KCNMB2: variants seen among roughly 807,000 people sequenced by gnomAD.
The protein encoded by KCNMB2 is calcium-activated potassium channel subunit beta-2.
A neutral mutation model predicts 24.5 loss-of-function variants in KCNMB2; 9 were observed. That is an observed-to-expected ratio of 0.37 (90% CI 0.22 to 0.64). The LOEUF is 0.64. Among genes scored for constraint, KCNMB2 ranks in the 30% least tolerant of loss-of-function variants. KCNMB2 has a pLI of 0.63. For synonymous variants in KCNMB2, 109 were observed against 104.4 expected, an observed-to-expected ratio of 1.04 and a Z score of -0.27; for missense variants, 226 against 284.3, an observed-to-expected ratio of 0.79 and a Z score of 1.47.
At chr3:178,723,961 AT>A (rs759891539) in intron 1 of KCNMB2, among the ~76,000 whole-genome samples, 1 of 152,102 alleles carries the variant, frequency 6.6e-6, no homozygotes, top group Non-Finnish European at 1.5e-5. Context: ...TGCAGGTATC[AT>A]TTTAGTAGAA....
At chr3:178,645,750 G>A (rs923610675) in intron 1 of KCNMB2, among the ~76,000 whole-genome samples, 8 of 152,200 alleles carry the variant, frequency 5.3e-5, no homozygotes, top group African/African-American at 1.9e-4. Flanking sequence ...AGTGCTCACA[G>A]CAGGCAGTTG....
At chr3:178,754,674 C>T (rs1723966629) in intron 1 of KCNMB2, among the ~76,000 whole-genome samples, 1 of 152,124 alleles carries the variant, frequency 6.6e-6, no homozygotes, top group Non-Finnish European at 1.5e-5. Flanking sequence ...AGGTAGATCA[C>T]ATTCTCTAAT....
intron 1 of KCNMB2, among the ~76,000 whole-genome samples, chr3:178,769,940 T>G (rs933157222): frequency 6.6e-6 from 1 of 152,202 alleles, no homozygotes; most frequent in Non-Finnish European, 1.5e-5. Flanking sequence ...TAAAACTGGC[T>G]CTTAACAGAA....
At chr3:178,830,254 G>A (rs994410395) in intron 4 of KCNMB2, among the ~76,000 whole-genome samples, 3 of 152,088 alleles carry the variant, frequency 2.0e-5, no homozygotes, top group South Asian at 2.1e-4. Context: ...TTCACATAGC[G>A]TTATGTTTGT....
At chr3:178,792,027 GC>G (rs1481894246) in intron 1 of KCNMB2, among the ~76,000 whole-genome samples, 1 of 152,028 alleles carries the variant, frequency 6.6e-6, no homozygotes, top group African/African-American at 2.4e-5. Context: ...AGGATGTTAA[GC>G]AATAAAAAAT....
chr3:178,630,029 T>C lies in KCNMB2; in HGVS notation c.-68+93318T>C, dbSNP rs73042344. ...TTACAGTCATGCCCAATGACAGTTA[T>C]GAATCTCCAGTGCTAAAGGAAGAAC... On this transcript the variant is annotated intron_variant, in intron 1 of 4. Coordinates refer to ENST00000452583, the MANE Select transcript of KCNMB2 (RefSeq NM_181361.3). Among the ~76,000 whole-genome samples the C allele has an allele frequency of 9.2e-4, 140 of 152,340 alleles. 1 individual carries two copies. The highest frequency in any genetic ancestry group is 3.2e-3 in the African/African-American group (133 of 41,582).
intron 1 of KCNMB2, among the ~76,000 whole-genome samples, chr3:178,586,538 C>CGTTT (rs1313147122): frequency 2.2e-4 from 15 of 68,486 alleles, no homozygotes; most frequent in African/African-American, 8.5e-4. Flanking sequence ...TTTTTTCTTT[C>CGTTT]TTTTTTTTTT....
rs56142299 is a variant in KCNMB2 at position 178,662,965 on chromosome 3, A to G, written c.-68+126254A>G. 7.1e-3 allele frequency among the ~76,000 whole-genome samples: 1,084 copies of G among 152,242 alleles called. 12 individuals carry two copies. Among genetic ancestry groups the G allele is most frequent in the African/African-American group, 0.024 (1,011 of 41,534 alleles). Reference sequence around the variant, plus strand: ...CCCAGAAACACAGTAGCTTAAAACAATAATTATTTATTTGTTCCCAATTCT... The same window carrying G: ...CCCAGAAACACAGTAGCTTAAAACAGTAATTATTTATTTGTTCCCAATTCT... On this transcript the variant is annotated intron_variant, in intron 1 of 4. Coordinates refer to ENST00000452583, the MANE Select transcript of KCNMB2 (RefSeq NM_181361.3).
At position 178,792,565 on chromosome 3, in the gene KCNMB2, C is replaced by T. The variant is rs542553426; in HGVS notation, c.-67-14778C>T. On this transcript the variant is annotated intron_variant, in intron 1 of 4. Transcript: ENST00000452583. ...ATAAAATTGCAGGAGTACATCTTTA[C>T]ATATCAATAATAACATTGGATGGAA... 1.1e-3 allele frequency among the ~76,000 whole-genome samples: 172 copies of T among 152,010 alleles called. 1 individual carries two copies. Among genetic ancestry groups the T allele is most frequent in the Non-Finnish European group, 2.2e-3 (147 of 67,992 alleles).
chr3:178,744,754 G>C (rs1055520387), intron 1 of KCNMB2, among the ~76,000 whole-genome samples: 2 of 150,784 alleles, frequency 1.3e-5, no homozygotes, highest in Non-Finnish European at 1.5e-5. Flanking sequence ...GGCTTCCCAA[G>C]ACCTGCAATG....
intron 1 of KCNMB2, among the ~76,000 whole-genome samples, chr3:178,677,675 CAG>C (rs887435850): frequency 2.0e-5 from 3 of 152,168 alleles, no homozygotes; most frequent in African/African-American, 4.8e-5. Context: ...TTCACAAATT[CAG>C]AGAGCAAGCT....
At chr3:178,815,025 T>C (rs1056132770) in intron 2 of KCNMB2, among the ~76,000 whole-genome samples, 5 of 136,816 alleles carry the variant, frequency 3.7e-5, no homozygotes, top group African/African-American at 1.3e-4. Flanking sequence ...TTTTGAGCAC[T>C]GTCTTTTTTT....
chr3:178,806,953 A>T (rs991303923), intron 1 of KCNMB2, among the ~76,000 whole-genome samples: 2 of 152,224 alleles, frequency 1.3e-5, no homozygotes, highest in African/African-American at 2.4e-5. Flanking sequence ...GGAAAGAAGA[A>T]GTTGAGTTTT....
Position 178,584,111 on chromosome 3 carries a change from C to G in KCNMB2, c.-68+47400C>G, listed in dbSNP as rs112984288. On this transcript the variant is annotated intron_variant, in intron 1 of 4. Coordinates refer to ENST00000452583, the MANE Select transcript of KCNMB2 (RefSeq NM_181361.3). ...AAAGGCAGCTAGCCAAGGGGTTGTC[C>G]TAGCTGGCAGGGCTAACACGTCTGC... Among the ~76,000 whole-genome samples the G allele has an allele frequency of 4.7e-3, 719 of 152,336 alleles. 8 individuals are homozygous for G. Among genetic ancestry groups the G allele is most frequent in the African/African-American group, 0.016 (683 of 41,562 alleles).
intron 1 of KCNMB2, among the ~76,000 whole-genome samples, chr3:178,623,268 AC>A (rs1322483086): frequency 6.6e-6 from 1 of 152,244 alleles, no homozygotes; most frequent in African/African-American, 2.4e-5. Context: ...GGCCACACTT[AC>A]GTGATTTATA....
At chr3:178,600,383 C>G (rs1718035963) in intron 1 of KCNMB2, among the ~76,000 whole-genome samples, 1 of 152,088 alleles carries the variant, frequency 6.6e-6, no homozygotes, top group Non-Finnish European at 1.5e-5. Context: ...CATGCGTGTG[C>G]AAATATCTCT....
At chr3:178,691,500 CAT>C (rs752293808) in intron 1 of KCNMB2, among the ~76,000 whole-genome samples, 2 of 152,038 alleles carry the variant, frequency 1.3e-5, no homozygotes, top group Non-Finnish European at 2.9e-5. Context: ...TAAGTGAAAA[CAT>C]GTGGTATTTG....
At chr3:178,720,509 C>T (rs61796875) in intron 1 of KCNMB2, among the ~76,000 whole-genome samples, 12,334 of 109,572 alleles carry the variant, frequency 0.11, 1,054 homozygotes, top group African/African-American at 0.24. Flanking sequence ...AACGGGATGG[C>T]TGGGTCAAAT....
At chr3:178,745,544 A>G (rs946798758) in intron 1 of KCNMB2, among the ~76,000 whole-genome samples, 2 of 152,100 alleles carry the variant, frequency 1.3e-5, no homozygotes, top group Non-Finnish European at 2.9e-5. Flanking sequence ...CACATTTCAA[A>G]CCAATCATGC....
Sources: allele counts gnomAD v4.1 joint callset (sites outside exome capture counted in the v4.1 genomes callset), GRCh38; gene constraint gnomAD v4.1.1; transcripts MANE v1.5; gene names NCBI Gene and HGNC (gene_info 2026-07-23, HGNC 2026-07-21).